Variants in FSTL5 observed in about 807,000 individuals in gnomAD.
FSTL5 encodes the protein follistatin-related protein 5.
In FSTL5, 62 loss-of-function variants were observed where a neutral mutation model predicts 89.1. The ratio of observed to expected loss-of-function variants is 0.70; its 90% CI spans 0.57 to 0.86. The LOEUF is 0.86. Ranked by LOEUF, FSTL5 falls within the 40% of genes least tolerant of loss-of-function variation. FSTL5 has a pLI of 0.00. For missense variants in FSTL5, 1,057 were observed against 1,001.6 expected, an observed-to-expected ratio of 1.06 and a Z score of -0.75; for synonymous variants, 383 against 346.2, an observed-to-expected ratio of 1.11 and a Z score of -1.18.
chr4:161,832,580 T>G (rs973486425), intron 4 of FSTL5, among the ~76,000 whole-genome samples: 2 of 152,072 alleles, frequency 1.3e-5, no homozygotes, highest in Non-Finnish European at 2.9e-5. Context: ...ACTATTCAGA[T>G]AGTCAACTTC....
chr4:161,923,628 T>G (rs1344633195), intron 3 of FSTL5, among the ~76,000 whole-genome samples: 1 of 151,816 alleles, frequency 6.6e-6, no homozygotes, highest in South Asian at 2.1e-4. Context: ...GAGCTAATGT[T>G]TTAAGAGTCT....
chr4:161,912,556 T>A (rs1009238028), intron 4 of FSTL5, among the ~76,000 whole-genome samples: 1 of 152,190 alleles, frequency 6.6e-6, no homozygotes, highest in Non-Finnish European at 1.5e-5. Flanking sequence ...CCACCGTGAT[T>A]CTGAGGCCTT....
At chr4:162,092,905 C>A (rs1730601938) in intron 2 of FSTL5, among the ~76,000 whole-genome samples, 1 of 136,668 alleles carries the variant, frequency 7.3e-6, no homozygotes, top group Non-Finnish European at 1.5e-5. Flanking sequence ...GCCGAGATCA[C>A]ACCACTGCAC....
chr4:161,889,442 G>T lies in FSTL5; in HGVS notation c.409+30962C>A, dbSNP rs150957110. 5.9e-5 allele frequency among the ~76,000 whole-genome samples: 9 copies of T among 152,084 alleles called. No homozygotes were observed. The East Asian group carries it at 1.8e-3, about 30-fold the overall frequency. ...GCAAATCACCTGAGGTCAGGAGTTC[G>T]AGACCAGCCTGGCCAACATGGTGAA... is the stretch of plus-strand genomic sequence containing the variant. On this transcript the variant is annotated intron_variant, in intron 4 of 15. Coordinates refer to ENST00000306100, the MANE Select transcript of FSTL5 (RefSeq NM_020116.5).
At chr4:161,675,392 C>T (rs1451015527) in intron 6 of FSTL5, among the ~76,000 whole-genome samples, 2 of 151,382 alleles carry the variant, frequency 1.3e-5, no homozygotes, top group East Asian at 1.9e-4. Context: ...ACACACATAA[C>T]ACAATATTTA....
chr4:162,129,224 C>T (rs1248583665), intron 1 of FSTL5, among the ~76,000 whole-genome samples: 1 of 152,118 alleles, frequency 6.6e-6, no homozygotes, highest in African/African-American at 2.4e-5. Context: ...TGAACGACGG[C>T]GCCTGGCCGA....
At chr4:161,797,083 A>T (rs532054277) in intron 4 of FSTL5, among the ~76,000 whole-genome samples, 2 of 151,694 alleles carry the variant, frequency 1.3e-5, no homozygotes, top group South Asian at 4.1e-4. Flanking sequence ...ATTATTGTTA[A>T]TTCACCTTTA....
At chr4:162,088,952 C>A (rs1267965546) in intron 2 of FSTL5, among the ~76,000 whole-genome samples, 1 of 152,086 alleles carries the variant, frequency 6.6e-6, no homozygotes, top group African/African-American at 2.4e-5. Context: ...ACTTGATCCC[C>A]AATGCATCAG....
Position 162,114,770 on chromosome 4 carries a change from T to C in FSTL5, c.-16-3358A>G, listed in dbSNP as rs144148961. On this transcript the variant is annotated intron_variant, in intron 1 of 15. Transcript: ENST00000306100. ...TACCTTACATTTCACTAAAAGTCGA[T>C]ACAAATAAGTCAGTGTGTAAATCTT... Among the ~76,000 whole-genome samples, 42 of 152,280 alleles carry C rather than the reference T, an allele frequency of 2.8e-4. 1 individual carries two copies. In the East Asian group the frequency reaches 6.9e-3, roughly 25 times the overall value.
chr4:161,741,393 T>C (rs879808815), intron 6 of FSTL5, among the ~76,000 whole-genome samples: 3 of 152,154 alleles, frequency 2.0e-5, no homozygotes, highest in Admixed American at 2.0e-4. Context: ...ACAATGTTAC[T>C]GGTTTTAAAG....
intron 3 of FSTL5, among the ~76,000 whole-genome samples, chr4:161,943,170 A>T (rs1734638493): frequency 6.6e-6 from 1 of 152,114 alleles, no homozygotes; most frequent in South Asian, 2.1e-4. Context: ...TGTATAAAAA[A>T]ATCAAATTAC....
At chr4:161,982,457 G>T (rs1256888031) in intron 3 of FSTL5, among the ~76,000 whole-genome samples, 1 of 152,184 alleles carries the variant, frequency 6.6e-6, no homozygotes, top group African/African-American at 2.4e-5. Context: ...ATAGTTACAG[G>T]TAAGGGAAAC....
chr4:161,990,459 T>C (rs1736079949), intron 3 of FSTL5, among the ~76,000 whole-genome samples: 1 of 152,132 alleles, frequency 6.6e-6, no homozygotes, highest in African/African-American at 2.4e-5. Flanking sequence ...TATTAAAGAA[T>C]ACTACCTTTT....
chr4:161,395,229 G>C (rs903317116), intron 15 of FSTL5, among the ~76,000 whole-genome samples: 1 of 151,982 alleles, frequency 6.6e-6, no homozygotes. Context: ...TGATATAATA[G>C]AATATAGGTA....
In FSTL5 at chr4:161,481,129, C is replaced by T; in HGVS notation, c.1499G>A (p.Arg500Lys). The change falls in exon 13 of 16, where the codon AGG becomes AAG. Residue 500 changes from arginine (R) to lysine (K), a missense_variant. Arg to Lys is a conservative substitution (Grantham distance 26, BLOSUM62 2). This residue lies in a region of FSTL5 where 980 missense variants were observed against 903.2 expected (regional missense o/e 1.08). Transcript: ENST00000306100. ...CPKAEGDEVQ[R>K]CVWASAVNVK... ...ATTAACAGCTGATGCCCACACACACCTCTGAACTTCATCTCCCTCAGCTTT... is the reference window on the plus strand; with the variant it reads ...ATTAACAGCTGATGCCCACACACACTTCTGAACTTCATCTCCCTCAGCTTT... 6.2e-7 allele frequency: 1 copy of T among 1,612,108 alleles called. No homozygotes were observed. Among genetic ancestry groups the T allele is most frequent in the South Asian group, 1.1e-5 (1 of 90,766 alleles).
Position 161,789,909 on chromosome 4 carries a change from C to A in FSTL5, c.410-13835G>T, listed in dbSNP as rs938446990. Among the ~76,000 whole-genome samples, 7 of 152,116 alleles carry A rather than the reference C, an allele frequency of 4.6e-5. No homozygotes were observed. The South Asian group carries it at 6.2e-4, about 14-fold the overall frequency. On this transcript the variant is annotated intron_variant, in intron 4 of 15. Coordinates refer to ENST00000306100, the MANE Select transcript of FSTL5 (RefSeq NM_020116.5). ...TAATCCAGATAGAAAGCATATAAAG[C>A]AAATTTTTGTTTTAATTTTTCCATT... is the stretch of plus-strand genomic sequence containing the variant.
intron 10 of FSTL5, among the ~76,000 whole-genome samples, chr4:161,512,078 C>T (rs1265930196): frequency 3.3e-5 from 5 of 151,966 alleles, no homozygotes; most frequent in African/African-American, 1.2e-4. Flanking sequence ...AAAAATAAAG[C>T]TGGAGAATTT....
intron 4 of FSTL5, among the ~76,000 whole-genome samples, chr4:161,810,384 T>A (rs1038233546): frequency 9.2e-5 from 14 of 152,058 alleles, no homozygotes; most frequent in Non-Finnish European, 8.8e-5. Flanking sequence ...CTAACATAAT[T>A]AGAGAATGCA....
chr4:161,532,640 TG>T (rs140935481), intron 10 of FSTL5, among the ~76,000 whole-genome samples: 4,089 of 152,126 alleles, frequency 0.027, 174 homozygotes, highest in African/African-American at 0.092. Flanking sequence ...ACAATAACAG[TG>T]GGGGGACTTC....
Sources: gnomAD v4.1 joint callset for allele counts (sites outside exome capture counted in the v4.1 genomes callset) on GRCh38, gnomAD v4.1.1 for gene constraint, gnomAD v4.1.1 regional missense constraint, MANE v1.5 for transcripts, NCBI Gene and HGNC (gene_info 2026-07-23, HGNC 2026-07-21) for gene names.